PVALB: variants seen among roughly 807,000 people sequenced by gnomAD.
The protein encoded by PVALB is parvalbumin alpha.
A neutral mutation model predicts 10.9 loss-of-function variants in PVALB; 11 were observed. The ratio of observed to expected loss-of-function variants is 1.01; its 90% CI spans 0.63 to 1.67. The LOEUF (loss-of-function observed/expected upper bound fraction) is 1.67. Among genes scored for constraint, PVALB ranks in the 40% most tolerant of loss-of-function variants. The pLI, the probability that PVALB is intolerant of heterozygous loss-of-function variation, is 0.00. For synonymous variants in PVALB, 57 were observed against 50.7 expected, an observed-to-expected ratio of 1.12 and a Z score of -0.53; for missense variants, 131 against 136.2, an observed-to-expected ratio of 0.96 and a Z score of 0.19.
intron 3 of PVALB, among the ~76,000 whole-genome samples, chr22:36,807,654 A>AT (rs1243050124): frequency 1.3e-5 from 2 of 152,102 alleles, no homozygotes; most frequent in African/African-American, 4.8e-5. Context: ...TAAGGTGTGT[A>AT]TTTTTCTCCC....
chr22:36,817,039 A>C (rs1309475787), upstream of PVALB: 1 of 1,582,572 alleles, frequency 6.3e-7, no homozygotes, highest in South Asian at 1.1e-5. Flanking sequence ...AGCAAGTGCG[A>C]AAAGATTAAA....
chr22:36,813,369 GA>G (rs1031082601), intron 3 of PVALB: 80 of 401,510 alleles, frequency 2.0e-4, no homozygotes, highest in Admixed American at 3.4e-4. Context: ...CAGAGTTCAG[GA>G]AAAAAAAATC....
intron 1 of PVALB, 145 bp downstream of exon 1, chr22:36,816,800 C>T (rs1254061587): frequency 1.5e-6 from 1 of 651,294 alleles, no homozygotes; most frequent in Non-Finnish European, 2.4e-6. Context: ...CCAAGGACGC[C>T]CCCGCCCCGA....
chr22:36,815,834 C>A (rs897081558), intron 1 of PVALB, among the ~76,000 whole-genome samples: 2 of 151,824 alleles, frequency 1.3e-5, no homozygotes, highest in African/African-American at 4.8e-5. Context: ...CGAGAAACAC[C>A]CAGTTAAGTT....
intron 3 of PVALB, among the ~76,000 whole-genome samples, chr22:36,812,078 C>T (rs1416542471): frequency 6.6e-6 from 1 of 152,206 alleles, no homozygotes. Flanking sequence ...CTTTCATAAT[C>T]CTTGTACCTT....
At chr22:36,801,537 C>T (rs763426783) in intron 3 of PVALB, among the ~76,000 whole-genome samples, 4 of 152,176 alleles carry the variant, frequency 2.6e-5, no homozygotes, top group African/African-American at 7.2e-5. Flanking sequence ...CAGTGGCTCA[C>T]GCGTGTAATC....
chr22:36,816,045 T>TTGTGTGTG (rs549412942), intron 1 of PVALB, among the ~76,000 whole-genome samples: 7 of 134,176 alleles, frequency 5.2e-5, no homozygotes, highest in African/African-American at 1.1e-4. Flanking sequence ...ATCATGTATT[T>TTGTGTGTG]TGTGTGTGTG....
At chr22:36,801,754 C>G (rs537182041) in intron 3 of PVALB, among the ~76,000 whole-genome samples, 2 of 152,244 alleles carry the variant, frequency 1.3e-5, no homozygotes, top group South Asian at 2.1e-4. Context: ...GAGCCAAGAT[C>G]GTGCCACCGC....
intron 3 of PVALB, among the ~76,000 whole-genome samples, chr22:36,809,032 C>A (rs140522680): frequency 6.6e-6 from 1 of 152,152 alleles, no homozygotes; most frequent in Non-Finnish European, 1.5e-5. Flanking sequence ...CTTCCTACCC[C>A]CTCCCTTCAA....
At chr22:36,805,653 C>T (rs534046878) in intron 3 of PVALB, among the ~76,000 whole-genome samples, 1 of 152,138 alleles carries the variant, frequency 6.6e-6, no homozygotes, top group African/African-American at 2.4e-5. Context: ...CTCTCTGAGG[C>T]TCAGCTTTCT....
Position 36,813,670 on chromosome 22 carries a change from CAT to C in PVALB, c.278_279del (p.Asp93GlyfsTer8). On this transcript the variant is annotated frameshift_variant, in exon 3 of 4. Coordinates refer to ENST00000417718, the MANE Select transcript of PVALB (RefSeq NM_001315532.2). LOFTEE classifies it high-confidence loss of function. ...TKMLMAAGDK[D>X]GDGKIGVDEF... ...CCGTCAACCCCAATTTTGCCGTCCCCATCTTTGTCTCCAGCAGCCATCAGCAT... is the reference window on the plus strand; with the variant it reads ...CCGTCAACCCCAATTTTGCCGTCCCCCTTTGTCTCCAGCAGCCATCAGCAT... The C allele has an allele frequency of 6.2e-7, 1 of 1,614,102 alleles. No individual in the cohort carries two copies. Among genetic ancestry groups the C allele is most frequent in the Non-Finnish European group, 8.5e-7 (1 of 1,179,984 alleles).
Position 36,806,290 on chromosome 22 carries a change from G to A in PVALB, c.305-5372C>T, listed in dbSNP as rs542124623. On this transcript the variant is annotated intron_variant, in intron 3 of 3. Transcript: ENST00000417718. The stretch of plus-strand genomic sequence containing the variant: ...GATGTCATCATTGTCCAACCAGAAA[G>A]CGACAAAGGAGGTAGATGGTAGGGA... Among the ~76,000 whole-genome samples the A allele has an allele frequency of 9.2e-5, 14 of 152,128 alleles. 1 individual carries two copies. The highest frequency in any genetic ancestry group is 1.0e-4 in the Non-Finnish European group (7 of 68,016).
intron 3 of PVALB, among the ~76,000 whole-genome samples, chr22:36,801,279 C>G (rs900728105): frequency 1.3e-5 from 2 of 152,210 alleles, no homozygotes; most frequent in Non-Finnish European, 2.9e-5. Context: ...TTATTTGACT[C>G]TGACAATAGT....
At position 36,815,299 on chromosome 22, in the gene PVALB, G is replaced by T. The variant is rs918556209; in HGVS notation, c.62-64C>A. 10 of 1,593,158 alleles carry T rather than the reference G, an allele frequency of 6.3e-6. No individual in the cohort carries two copies. In the South Asian group the frequency reaches 1.0e-4, roughly 16 times the overall value. ...GGCTGGTAGGGAAGCCTGGGAGAAT[G>T]GGGGGCATCAAGGCATTTGTTGATG... On this transcript the variant is annotated intron_variant, in intron 1 of 3. Coordinates refer to ENST00000417718, the MANE Select transcript of PVALB (RefSeq NM_001315532.2).
intron 3 of PVALB, among the ~76,000 whole-genome samples, chr22:36,812,432 C>A (rs921994569): frequency 1.3e-5 from 2 of 152,116 alleles, no homozygotes; most frequent in South Asian, 4.1e-4. Flanking sequence ...ACAGAAGGTA[C>A]CCTTGCGAAG....
intron 3 of PVALB, among the ~76,000 whole-genome samples, chr22:36,805,603 C>T (rs981338054): frequency 6.6e-5 from 10 of 152,302 alleles, no homozygotes; most frequent in African/African-American, 2.2e-4. Context: ...AATCTTGTTC[C>T]ATCACTATCT....
chr22:36,804,989 C>T (rs752488284), intron 3 of PVALB, among the ~76,000 whole-genome samples: 2 of 152,132 alleles, frequency 1.3e-5, no homozygotes, highest in Non-Finnish European at 2.9e-5. Context: ...ATCCTGTAAA[C>T]TCTAGGTCAG....
Position 36,800,798 on chromosome 22 carries a change from C to T in PVALB, c.*92G>A, listed in dbSNP as rs752011335. The T allele has an allele frequency of 1.1e-5, 15 of 1,408,678 alleles. 1 individual carries two copies. In the African/African-American group the frequency reaches 1.1e-4, roughly 11 times the overall value. 87.3% of individuals were successfully genotyped at this position (1,408,678 alleles called of 1,614,324 possible). A position where few individuals can be genotyped will look rare whatever the true frequency, so the allele number is the denominator to read the frequency against. On this transcript the variant is annotated 3_prime_UTR_variant, in exon 4 of 4. Transcript: ENST00000417718. The stretch of plus-strand genomic sequence containing the variant: ...ATGGGGGAGTAAAAAATAACATAAA[C>T]GAACTGAACAGAAATGCAGGAGGGT...
At chr22:36,819,210 G>C (rs776554667), upstream of PVALB, among the ~76,000 whole-genome samples, 3 of 152,138 alleles carry the variant, frequency 2.0e-5, no homozygotes, top group Admixed American at 2.0e-4. Context: ...GCCACGGGGG[G>C]CGGTGGGTGG....
Sources: gnomAD v4.1 joint callset for allele counts (sites outside exome capture counted in the v4.1 genomes callset) on GRCh38, gnomAD v4.1.1 for gene constraint, MANE v1.5 for transcripts, NCBI Gene and HGNC (gene_info 2026-07-23, HGNC 2026-07-21) for gene names.